Variants in NBPF11 observed in about 807,000 individuals in gnomAD.
The protein encoded by NBPF11 is NBPF member 11, also known as NBPF family member NBPF11.
Under a neutral mutation model 93.9 loss-of-function variants are expected in NBPF11, and 72 were observed. The observed-to-expected ratio is 0.77, with a 90% CI of 0.63 to 0.93. NBPF11 has a LOEUF of 0.93. NBPF11 is among the 40% of genes least tolerant of loss of function. NBPF11 has a pLI of 0.00. For missense variants in NBPF11, 705 were observed against 802.2 expected (o/e 0.88, Z 1.46); for synonymous variants, 224 against 304.9 (o/e 0.73, Z 2.76).
At chr1:148,135,989 G>A (rs1671213059) in intron 3 of NBPF11, among the ~76,000 whole-genome samples, 176 bp from the exon 4 acceptor site, 1 of 151,918 alleles carries the variant, frequency 6.6e-6, no homozygotes, top group Non-Finnish European at 1.5e-5. Context: ...CAACTTCATG[G>A]TGGTGGTGAT....
chr1:148,106,856 G>T, intron 20 of NBPF11, 86 bp downstream of exon 20: 4 of 804,984 alleles, frequency 5.0e-6, no homozygotes, highest in Non-Finnish European at 6.5e-6. Context: ...AGTCTCTCGG[G>T]TCAGTAAGGG....
At chr1:148,117,222 T>C (rs2149216102) in intron 12 of NBPF11, among the ~76,000 whole-genome samples, 2 of 150,938 alleles carry the variant, frequency 1.3e-5, no homozygotes, top group African/African-American at 2.5e-5. Context: ...ACTAAGAACA[T>C]TGCCAAAAAG....
In NBPF11 at chr1:148,120,682, G is replaced by T. The variant is rs1333424575; in HGVS notation, c.807C>A (p.Asn269Lys). ...GGCCGGCTGATACCACCATGCTGACGTTTGTGGCAGAAGAGGTGGGGCCAG... is the reference window on the plus strand; with the variant it reads ...GGCCGGCTGATACCACCATGCTGACTTTTGTGGCAGAAGAGGTGGGGCCAG... Reference protein sequence around the residue: ...PVPGPTSSATNVSMVVSAGPL... With the variant: ...PVPGPTSSATKVSMVVSAGPL... The change falls in exon 10 of 24, where the codon AAC becomes AAA. Residue 269 changes from asparagine (N) to lysine (K), a missense_variant. Physicochemically the swap from Asn to Lys is moderately conservative, Grantham distance 94. Around this residue, in one of 12 missense-constraint regions of NBPF11, gnomAD observed 262 missense variants for 223.1 expected, o/e 1.17. Coordinates refer to ENST00000682118, the MANE Select transcript of NBPF11 (RefSeq NM_001385469.3). The T allele has an allele frequency of 2.6e-6, 4 of 1,533,728 alleles. No individual in the cohort carries two copies. The highest frequency in any genetic ancestry group is 3.3e-5 in the Admixed American group (2 of 59,904).
chr1:148,149,245 G>C, intron 1 of NBPF11: 1 of 1,592,474 alleles, frequency 6.3e-7, no homozygotes, highest in Non-Finnish European at 8.5e-7. Flanking sequence ...CGCGCTACGA[G>C]TGTGCCGCGG....
At chr1:148,143,050 G>C (rs1672452390) in intron 2 of NBPF11, among the ~76,000 whole-genome samples, 1 of 150,782 alleles carries the variant, frequency 6.6e-6, no homozygotes, top group African/African-American at 2.4e-5. Flanking sequence ...AGCTGAAGAG[G>C]AGAAAGCAGG....
intron 4 of NBPF11, among the ~76,000 whole-genome samples, chr1:148,129,018 G>A (rs1247598335): frequency 6.7e-6 from 1 of 148,458 alleles, no homozygotes; most frequent in African/African-American, 2.5e-5. Flanking sequence ...GGCTGGGGGA[G>A]GGATAGCATT....
intron 1 of NBPF11, among the ~76,000 whole-genome samples, chr1:148,145,602 C>T (rs1553276687): frequency 6.6e-6 from 1 of 150,858 alleles, no homozygotes; most frequent in African/African-American, 2.4e-5. Flanking sequence ...ATACTCTGGC[C>T]GGGTGCGGTA....
intron 10 of NBPF11, 62 bp downstream of exon 10, chr1:148,120,439 T>C: frequency 1.2e-6 from 1 of 816,254 alleles, no homozygotes. Context: ...AGCACTTAGT[T>C]TCTCAGAGAG....
chr1:148,108,379 G>C, intron 18 of NBPF11, 103 bp downstream of exon 18: 2 of 781,226 alleles, frequency 2.6e-6, no homozygotes. Flanking sequence ...TCCTCCCTGT[G>C]GCAATGACAT....
rs1180869894 is a variant in NBPF11, at chr1:148,136,160, C to T, written c.-177-347G>A. On this transcript the variant is annotated intron_variant, in intron 3 of 23. Coordinates refer to ENST00000682118, the MANE Select transcript of NBPF11 (RefSeq NM_001385469.3). ...ATAGTATAAACACTTTGGGAAAAAA[C>T]GTCTGGCATATTCTTACAGAACTAA... is the stretch of plus-strand genomic sequence containing the variant. Among the ~76,000 whole-genome samples the T allele has an allele frequency of 1.5e-3, 231 of 152,016 alleles. 2 individuals are homozygous for T. Among genetic ancestry groups the T allele is most frequent in the African/African-American group, 5.1e-3 (212 of 41,294 alleles).
Position 148,136,980 on chromosome 1 carries a change from G to A in NBPF11, c.-178+731C>T, listed in dbSNP as rs1419332381. Among the ~76,000 whole-genome samples, 4 of 151,728 alleles carry A rather than the reference G, an allele frequency of 2.6e-5. No homozygotes were observed. The South Asian group carries it at 6.2e-4, about 24-fold the overall frequency. On this transcript the variant is annotated intron_variant, in intron 3 of 23. Coordinates refer to ENST00000682118, the MANE Select transcript of NBPF11 (RefSeq NM_001385469.3). ...GAAATCTGGAAACCTCAGGGGAGAG[G>A]GTAAATGCACTTTGCAGATGGGGGA... is the stretch of plus-strand genomic sequence containing the variant.
chr1:148,103,660 A>G lies in NBPF11; in HGVS notation c.*236T>C, dbSNP rs1359121944. On this transcript the variant is annotated 3_prime_UTR_variant, in exon 24 of 24. Coordinates refer to ENST00000682118, the MANE Select transcript of NBPF11 (RefSeq NM_001385469.3). The stretch of plus-strand genomic sequence containing the variant: ...CAGGAATGACACCTCTCGGCTTAGT[A>G]AGGGCTGCTTATTGTGGGAATATGA... The G allele has an allele frequency of 1.7e-5, 27 of 1,611,174 alleles. No homozygotes were observed. In the East Asian group the frequency reaches 6.0e-4, roughly 36 times the overall value.
intron 14 of NBPF11, among the ~76,000 whole-genome samples, chr1:148,115,327 C>G (rs1405851028): frequency 1.3e-5 from 2 of 150,536 alleles, no homozygotes; most frequent in African/African-American, 5.0e-5. Context: ...ATCCTGATTT[C>G]AGGGTGACTG....
At chr1:148,113,112 C>A (rs1665694135) in intron 15 of NBPF11, among the ~76,000 whole-genome samples, 2 of 151,990 alleles carry the variant, frequency 1.3e-5, no homozygotes, top group African/African-American at 4.8e-5. Context: ...CAAATTCACA[C>A]ATAACCATAT....
chr1:148,118,657 T>A lies in NBPF11; in HGVS notation c.1054A>T (p.Lys352Ter). The A allele has an allele frequency of 6.2e-7, 1 of 1,613,074 alleles. No individual in the cohort carries two copies. Among genetic ancestry groups the A allele is most frequent in the Non-Finnish European group, 8.5e-7 (1 of 1,179,920 alleles). The change falls in exon 11 of 24, where the codon AAG (lysine) becomes TAG (stop). Residue 352 changes from lysine (K) to a stop codon, truncating the protein, a stop_gained. Transcript: ENST00000682118. LOFTEE classifies it high-confidence loss of function. ...LRNERQFKEE[K>*]LAEQLKQAEE... ...GCTTGCTTCAGCTGCTCTGCAAGCT[T>A]CTCCTCCTTGAACTGTCGCTCATTC...
intron 1 of NBPF11, chr1:148,146,845 G>C (rs1429104043): frequency 1.2e-6 from 2 of 1,613,802 alleles, no homozygotes; most frequent in African/African-American, 1.3e-5. Context: ...CTCCGGCTAC[G>C]GTGCCAGCTC....
rs1177973334 is a variant in NBPF11, at chr1:148,115,916, G to A, written c.1462C>T (p.Pro488Ser). 1.9e-6 allele frequency: 3 copies of A among 1,584,064 alleles called. No individual in the cohort carries two copies. The highest frequency in any genetic ancestry group is 2.3e-5 in the East Asian group (1 of 43,652). The change falls in exon 14 of 24, where the codon CCT becomes TCT. Residue 488 changes from proline to serine, a missense_variant. Transcript: ENST00000682118. ...CTATGTGGCTGGTTGGAGTCATAAG[G>A]GCCATGGCTATTTGAACAAGTGATG... is the stretch of plus-strand genomic sequence containing the variant. Reference protein sequence around the residue: ...CAITCSNSHGPYDSNQPHRKT... With the variant: ...CAITCSNSHGSYDSNQPHRKT...
chr1:148,120,591 C>T lies in NBPF11; in HGVS notation c.898G>A (p.Ala300Thr), dbSNP rs1193185413. 9 of 1,477,730 alleles carry T rather than the reference C, an allele frequency of 6.1e-6. No homozygotes were observed. The highest frequency in any genetic ancestry group is 5.6e-5 in the South Asian group (5 of 88,600). 91.5% of individuals were successfully genotyped at this position (1,477,730 alleles called of 1,614,324 possible). A position where few individuals can be genotyped will look rare whatever the true frequency, so the allele number is the denominator to read the frequency against. ...EINEKLCPQL[A>T]EKKQQFRSLK... ...CTTCTGAACTGCTGTTTCTTCTCTGCCAGCTGGGGGCACAATTTCTCATTG... is the reference window on the plus strand; with the variant it reads ...CTTCTGAACTGCTGTTTCTTCTCTGTCAGCTGGGGGCACAATTTCTCATTG... The change falls in exon 10 of 24, where the codon GCA becomes ACA. Residue 300 changes from alanine to threonine, a missense_variant. Coordinates refer to ENST00000682118, the MANE Select transcript of NBPF11 (RefSeq NM_001385469.3).
intron 1 of NBPF11, among the ~76,000 whole-genome samples, chr1:148,147,544 C>G (rs1382471579): frequency 5.3e-5 from 8 of 152,006 alleles, no homozygotes. Context: ...CTGCTTTGGA[C>G]GAGGAGACCC....
Sources: gnomAD v4.1 joint callset for allele counts (sites outside exome capture counted in the v4.1 genomes callset) on GRCh38, gnomAD v4.1.1 for gene constraint, gnomAD v4.1.1 regional missense constraint, MANE v1.5 for transcripts, NCBI Gene and HGNC (gene_info 2026-07-23, HGNC 2026-07-21) for gene names.